Variants in ROBO2 observed in about 807,000 individuals in gnomAD.
ROBO2 encodes roundabout guidance receptor 2, also known as roundabout homolog 2.
Under a neutral mutation model 160.8 loss-of-function variants are expected in ROBO2, and 53 were observed. That is an observed-to-expected ratio of 0.33 (90% CI 0.26 to 0.41). ROBO2 has a LOEUF of 0.41. Among genes scored for constraint, ROBO2 ranks in the 10% least tolerant of loss-of-function variants. The pLI is 1.00. For missense variants in ROBO2, 1,577 were observed against 1,722.4 expected (o/e 0.92, Z 1.49); for synonymous variants, 664 against 611.7 (o/e 1.09, Z -1.26).
intron 2 of ROBO2, among the ~76,000 whole-genome samples, chr3:76,368,388 T>C (rs189458582): frequency 4.1e-4 from 63 of 152,040 alleles, no homozygotes; most frequent in Non-Finnish European, 8.1e-4. Flanking sequence ...TTCAGCTGGG[T>C]GATTTTTTTT....
intron 2 of ROBO2, among the ~76,000 whole-genome samples, chr3:76,667,009 A>G (rs1463228296): frequency 6.6e-6 from 1 of 152,146 alleles, no homozygotes; most frequent in East Asian, 1.9e-4. Flanking sequence ...ACTCAGAGGA[A>G]CACGCTCATA....
At chr3:77,139,804 T>G (rs981963428) in intron 2 of ROBO2, among the ~76,000 whole-genome samples, 23 of 152,194 alleles carry the variant, frequency 1.5e-4, no homozygotes, top group African/African-American at 5.1e-4. Context: ...GCTGCCTCTT[T>G]AGTCACTTTG....
intron 2 of ROBO2, among the ~76,000 whole-genome samples, chr3:77,218,667 C>G (rs765026039): frequency 6.6e-6 from 1 of 152,124 alleles, no homozygotes; most frequent in Non-Finnish European, 1.5e-5. Context: ...CTACCGTGCC[C>G]GGCCTGAAAT....
intron 8 of ROBO2, among the ~76,000 whole-genome samples, chr3:77,557,168 G>T (rs981277926): frequency 6.6e-6 from 1 of 151,910 alleles, no homozygotes; most frequent in East Asian, 1.9e-4. Context: ...TAAATAAAAA[G>T]CAATACTAAG....
At chr3:76,323,889 A>G (rs937200047) in intron 2 of ROBO2, among the ~76,000 whole-genome samples, 1 of 152,238 alleles carries the variant, frequency 6.6e-6, no homozygotes, top group Non-Finnish European at 1.5e-5. Context: ...ATACACACAG[A>G]ATAGCACTTA....
intron 2 of ROBO2, among the ~76,000 whole-genome samples, chr3:76,160,828 A>G (rs1239346652): frequency 6.6e-6 from 1 of 152,206 alleles, no homozygotes; most frequent in Non-Finnish European, 1.5e-5. Flanking sequence ...AAAAAAACCC[A>G]TGAAATACAC....
intron 2 of ROBO2, among the ~76,000 whole-genome samples, chr3:76,179,033 G>A (rs1157449372): frequency 6.6e-6 from 1 of 152,064 alleles, no homozygotes; most frequent in African/African-American, 2.4e-5. Flanking sequence ...GGTATTTTAA[G>A]TTAGAAAAGT....
intron 2 of ROBO2, among the ~76,000 whole-genome samples, chr3:76,391,993 G>C (rs1481599622): frequency 6.6e-6 from 1 of 152,090 alleles, no homozygotes; most frequent in East Asian, 1.9e-4. Context: ...TTTAAGCATT[G>C]TGAATAGAAA....
rs149121590 is a variant in ROBO2, at chr3:76,024,991, C to A, written c.109+87389C>A. ...GTATATATATATGCTTAAAGGAATT[C>A]TTTATTTGGCATATTTAATATTCTC... On this transcript the variant is annotated intron_variant, in intron 2 of 26. Transcript: ENST00000487694. Among the ~76,000 whole-genome samples the A allele has an allele frequency of 1.8e-3, 268 of 149,822 alleles. 2 individuals carry two copies. The highest frequency in any genetic ancestry group is 6.3e-3 in the African/African-American group (258 of 41,000).
intron 2 of ROBO2, among the ~76,000 whole-genome samples, chr3:76,759,829 T>C (rs1181660349): frequency 6.6e-6 from 1 of 151,746 alleles, no homozygotes; most frequent in Non-Finnish European, 1.5e-5. Flanking sequence ...AATAAGAAAT[T>C]TGGAGCCGGT....
At chr3:76,257,551 C>T (rs1411253800) in intron 2 of ROBO2, among the ~76,000 whole-genome samples, 3 of 152,192 alleles carry the variant, frequency 2.0e-5, no homozygotes, top group African/African-American at 7.2e-5. Context: ...ATAGTTATTT[C>T]TGTACTCTCC....
intron 2 of ROBO2, among the ~76,000 whole-genome samples, chr3:77,393,211 A>C (rs2074926513): frequency 6.6e-6 from 1 of 152,142 alleles, no homozygotes; most frequent in African/African-American, 2.4e-5. Flanking sequence ...TGCCTATAGA[A>C]ATTGAATAAT....
intron 2 of ROBO2, among the ~76,000 whole-genome samples, chr3:76,312,319 A>T (rs1193002725): frequency 6.6e-6 from 1 of 152,130 alleles, no homozygotes; most frequent in Non-Finnish European, 1.5e-5. Flanking sequence ...AGTGTTTATC[A>T]TCTGAGGTTC....
chr3:76,699,822 T>C (rs527559632), intron 2 of ROBO2, among the ~76,000 whole-genome samples: 2 of 152,270 alleles, frequency 1.3e-5, no homozygotes, highest in Admixed American at 6.5e-5. Flanking sequence ...CCCTGTTTCC[T>C]CTTTAATTGT....
chr3:76,580,701 G>A (rs1242193707), intron 2 of ROBO2, among the ~76,000 whole-genome samples: 3 of 151,860 alleles, frequency 2.0e-5, no homozygotes, highest in East Asian at 1.9e-4. Flanking sequence ...GTTGTTCAAC[G>A]TTTTAAACCT....
chr3:76,457,132 G>A (rs1656612638), intron 2 of ROBO2, among the ~76,000 whole-genome samples: 1 of 152,094 alleles, frequency 6.6e-6, no homozygotes, highest in African/African-American at 2.4e-5. Flanking sequence ...GTCCCCCAAA[G>A]TCTTAACTAA....
intron 2 of ROBO2, among the ~76,000 whole-genome samples, chr3:76,170,978 A>C (rs1575741066): frequency 6.6e-6 from 1 of 152,278 alleles, no homozygotes; most frequent in Non-Finnish European, 1.5e-5. Flanking sequence ...ATGCACATTC[A>C]TTTATTACAC....
At chr3:77,278,931 C>T (rs1265480709) in intron 2 of ROBO2, among the ~76,000 whole-genome samples, 1 of 152,090 alleles carries the variant, frequency 6.6e-6, no homozygotes, top group Non-Finnish European at 1.5e-5. Context: ...ATCATGGTAA[C>T]AGCTGGCATT....
chr3:77,370,074 G>T (rs1311407109), intron 2 of ROBO2, among the ~76,000 whole-genome samples: 1 of 152,212 alleles, frequency 6.6e-6, no homozygotes, highest in Non-Finnish European at 1.5e-5. Flanking sequence ...GTAATGCTCT[G>T]AAATGTATTG....
Sources: gnomAD v4.1 joint callset for allele counts (sites outside exome capture counted in the v4.1 genomes callset) on GRCh38, gnomAD v4.1.1 for gene constraint, MANE v1.5 for transcripts, NCBI Gene and HGNC (gene_info 2026-07-23, HGNC 2026-07-21) for gene names.